SLC9C1: variants seen among roughly 807,000 people sequenced by gnomAD.
The protein encoded by SLC9C1 is sodium/hydrogen exchanger 10.
Under a neutral mutation model 140.9 loss-of-function variants are expected in SLC9C1, and 97 were observed. The observed-to-expected ratio is 0.69, with a 90% CI of 0.58 to 0.82. The LOEUF (loss-of-function observed/expected upper bound fraction) is 0.82. Among genes scored for constraint, SLC9C1 ranks in the 40% least tolerant of loss-of-function variants. The pLI is 0.00. For synonymous variants in SLC9C1, 440 were observed against 442.6 expected (o/e 0.99, Z 0.07); for missense variants, 1,340 against 1,389.3 (o/e 0.96, Z 0.56).
intron 23 of SLC9C1, among the ~76,000 whole-genome samples, chr3:112,176,116 A>G (rs1224762761): frequency 1.3e-5 from 2 of 152,204 alleles, no homozygotes; most frequent in Non-Finnish European, 2.9e-5. Flanking sequence ...AAGACTCCAC[A>G]TAGCTCTGCA....
At position 112,198,855 on chromosome 3, in the gene SLC9C1, G is replaced by C. The variant is rs919920208; in HGVS notation, c.2523+466C>G. 2.0e-5 allele frequency among the ~76,000 whole-genome samples: 3 copies of C among 151,732 alleles called. No homozygotes were observed. In the East Asian group the frequency reaches 5.8e-4, roughly 29 times the overall value. ...ATGCTATTTCCAATTTTGGTGTCAA[G>C]TTTGTACTTACAGAATGAATTGGGA... On this transcript the variant is annotated intron_variant, in intron 20 of 28. Transcript: ENST00000305815.
At position 112,151,925 on chromosome 3, in the gene SLC9C1, C is replaced by T; in HGVS notation, c.3456G>A (p.Gln1152=). 3 of 1,605,610 alleles carry T rather than the reference C, an allele frequency of 1.9e-6. No individual in the cohort carries two copies. Among genetic ancestry groups the T allele is most frequent in the Non-Finnish European group, 2.5e-6 (3 of 1,177,784 alleles). Residue 1152 remains glutamine, a synonymous_variant, in exon 28 of 29, where the codon CAG becomes CAA. Transcript: ENST00000305815. ...ACTTTGTCCCCAGCAGGGAGCAAGG[C>T]TGGGGACTCCTGGCAGTGGCGGCAC... ...AHSAATARSP[Q]PCSLLGTKFN... is the part of the protein sequence containing the mutation.
chr3:112,233,298 C>T (rs1426851513), intron 12 of SLC9C1, among the ~76,000 whole-genome samples: 2 of 151,994 alleles, frequency 1.3e-5, no homozygotes, highest in African/African-American at 4.8e-5. Flanking sequence ...AACTGCTTGG[C>T]TCAAGCAATT....
chr3:112,176,304 T>C (rs1188609556), intron 23 of SLC9C1, among the ~76,000 whole-genome samples: 1 of 152,202 alleles, frequency 6.6e-6, no homozygotes, highest in Admixed American at 6.5e-5. Context: ...CTTTTCTCCG[T>C]TCTCCGTGAA....
At chr3:112,158,027 G>A (rs1222856118) in intron 26 of SLC9C1, among the ~76,000 whole-genome samples, 1 of 151,748 alleles carries the variant, frequency 6.6e-6, no homozygotes, top group African/African-American at 2.4e-5. Context: ...TCGCCTAATT[G>A]CTCTGGCTTG....
chr3:112,219,029 TAAC>T (rs2078467828), intron 14 of SLC9C1, among the ~76,000 whole-genome samples: 1 of 152,218 alleles, frequency 6.6e-6, no homozygotes, highest in African/African-American at 2.4e-5. Context: ...ATCGTGAATA[TAAC>T]AACAGCATCT....
At position 112,185,666 on chromosome 3, in the gene SLC9C1, G is replaced by C. The variant is rs1346522102; in HGVS notation, c.2524-3408C>G. The C allele has an allele frequency of 3.2e-6, 5 of 1,554,814 alleles. No homozygotes were observed. The South Asian group carries it at 5.9e-5, about 18-fold the overall frequency. ...CTCCTTGGCGGTCCAGTGAGTGGGG[G>C]CGGGTGCTCCGGAGGCGTGCACGCT... On this transcript the variant is annotated intron_variant, in intron 20 of 28. Transcript: ENST00000305815.
chr3:112,277,181 A>G (rs1210877453), intron 5 of SLC9C1, among the ~76,000 whole-genome samples: 1 of 152,140 alleles, frequency 6.6e-6, no homozygotes, highest in Non-Finnish European at 1.5e-5. Context: ...ACTTTTAAAT[A>G]TAGATAGATT....
At chr3:112,255,753 A>G (rs2079587784) in intron 10 of SLC9C1, among the ~76,000 whole-genome samples, 1 of 152,136 alleles carries the variant, frequency 6.6e-6, no homozygotes, top group Non-Finnish European at 1.5e-5. Context: ...GGAGATCAAA[A>G]CACACACAAA....
At position 112,278,723 on chromosome 3, in the gene SLC9C1, G is replaced by C. The variant is rs775532663; in HGVS notation, c.318+6C>G. 6.3e-7 allele frequency: 1 copy of C among 1,591,124 alleles called. No homozygotes were observed. On this transcript the variant is annotated splice_donor_region_variant and intron_variant, in intron 4 of 28. Coordinates refer to ENST00000305815, the MANE Select transcript of SLC9C1 (RefSeq NM_183061.3). ...ATGAATGATATTACCAAAAAAGAAT[G>C]CTTACCTGCCAAAATAACTTTTGAA...
chr3:112,270,880 A>AT (rs2080054538), intron 6 of SLC9C1, among the ~76,000 whole-genome samples: 1 of 152,170 alleles, frequency 6.6e-6, no homozygotes. Flanking sequence ...TTCTTAGCCT[A>AT]TTTTTTAATC....
rs764826708 is a variant in SLC9C1 at position 112,239,929 on chromosome 3, C to A, written c.1357G>T (p.Ala453Ser). Residue 453 changes from alanine (A) to serine (S), a missense_variant, in exon 12 of 29, where the codon GCA becomes TCA. By Grantham distance (99) the Ala-to-Ser change is moderately conservative. Transcript: ENST00000305815. ...TTGTCAAATTTAAGGGCAGAGGCTGCAGACTTGGTTAGCTCTTGAAAGTGT... is the reference window on the plus strand; with the variant it reads ...TTGTCAAATTTAAGGGCAGAGGCTGAAGACTTGGTTAGCTCTTGAAAGTGT... ...FQHFQELTKS[A>S]ASALKFDKDL... The A allele has an allele frequency of 3.7e-6, 6 of 1,613,836 alleles. No homozygotes were observed. Among genetic ancestry groups the A allele is most frequent in the Non-Finnish European group, 5.1e-6 (6 of 1,179,944 alleles).
intron 6 of SLC9C1, among the ~76,000 whole-genome samples, chr3:112,272,176 G>C (rs189664767): frequency 6.6e-6 from 1 of 152,154 alleles, no homozygotes; most frequent in Non-Finnish European, 1.5e-5. Context: ...CTGAAATATA[G>C]GATGGAGGCT....
chr3:112,174,066 TG>T (rs1468539759), intron 23 of SLC9C1, among the ~76,000 whole-genome samples: 4 of 152,254 alleles, frequency 2.6e-5, no homozygotes, highest in African/African-American at 9.6e-5. Flanking sequence ...ATATGCTTGA[TG>T]GCCATGTTTA....
chr3:112,162,284 C>T (rs2075325592), intron 26 of SLC9C1, among the ~76,000 whole-genome samples: 1 of 152,074 alleles, frequency 6.6e-6, no homozygotes, highest in South Asian at 2.1e-4. Context: ...CCTAATTGCC[C>T]TGGCCAGAAC....
At chr3:112,193,205 T>TG (rs1229300044) in intron 20 of SLC9C1, among the ~76,000 whole-genome samples, 5 of 152,172 alleles carry the variant, frequency 3.3e-5, no homozygotes, top group African/African-American at 1.2e-4. Flanking sequence ...CCTCTCAAGT[T>TG]GGGGGCACAT....
chr3:112,247,887 G>GTGTT (rs1342751423), intron 10 of SLC9C1, among the ~76,000 whole-genome samples: 1 of 150,688 alleles, frequency 6.6e-6, no homozygotes, highest in Non-Finnish European at 1.5e-5. Context: ...GTGTGTGTGT[G>GTGTT]TGTGTGTGTG....
At chr3:112,276,806 T>C (rs746343493) in intron 5 of SLC9C1, among the ~76,000 whole-genome samples, 2 of 152,094 alleles carry the variant, frequency 1.3e-5, no homozygotes, top group African/African-American at 2.4e-5. Context: ...AATCCAGGGT[T>C]GGATGGTGGA....
At chr3:112,179,503 C>G (rs761341336) in intron 23 of SLC9C1, 28 bp downstream of exon 23, 6 of 1,582,034 alleles carry the variant, frequency 3.8e-6, no homozygotes, top group Non-Finnish European at 5.1e-6. Context: ...CAAAATACAA[C>G]AAAAGTCACA....
Sources: gnomAD v4.1 joint callset for allele counts (sites outside exome capture counted in the v4.1 genomes callset) on GRCh38, gnomAD v4.1.1 for gene constraint, MANE v1.5 for transcripts, NCBI Gene and HGNC (gene_info 2026-07-23, HGNC 2026-07-21) for gene names.